The following CAP2 variants were observed in gnomAD, a reference collection of about 807,000 sequenced individuals.
The protein encoded by CAP2 is cyclase associated actin cytoskeleton regulatory protein 2.
CAP2 carries 24 observed loss-of-function variants against 57.7 expected under a neutral mutation model. The observed-to-expected ratio is 0.42, with a 90% CI of 0.30 to 0.58. The LOEUF (loss-of-function observed/expected upper bound fraction) is 0.58, where lower values mean the gene tolerates loss of function less well. Ranked by LOEUF, CAP2 falls within the 20% of genes least tolerant of loss-of-function variation. CAP2 has a pLI of 0.22. For missense variants in CAP2, 501 were observed against 590.3 expected (o/e 0.85, Z 1.57); for synonymous variants, 194 against 207.2 (o/e 0.94, Z 0.55).
intron 7 of CAP2, among the ~76,000 whole-genome samples, chr6:17,517,599 A>AT (rs1308576047): frequency 6.6e-6 from 1 of 152,162 alleles, no homozygotes; most frequent in Non-Finnish European, 1.5e-5. Flanking sequence ...CATATCTCAC[A>AT]TTTTTTAAAA....
At chr6:17,413,183 G>T (rs995101280) in intron 1 of CAP2, among the ~76,000 whole-genome samples, 1 of 152,126 alleles carries the variant, frequency 6.6e-6, no homozygotes, top group African/African-American at 2.4e-5. Context: ...TGGCTAACCA[G>T]GATCTCATAC....
rs144075653 is a variant in CAP2, at chr6:17,556,370, C to T, written c.1362C>T (p.Pro454=). ...IPQDGDYREF[P]IPEQFKTAWD... is the part of the protein sequence containing the mutation. ...TTGCCTTTTTCCAGAGAGAATTTCC[C>T]ATTCCTGAACAGTTCAAGACAGCAT... is the stretch of plus-strand genomic sequence containing the variant. Residue 454 remains proline, a synonymous_variant, in exon 13 of 13, where the codon CCC becomes CCT. Transcript: ENST00000229922. 166 of 1,611,042 alleles carry T rather than the reference C, an allele frequency of 1.0e-4. 1 individual carries two copies. The African/African-American group carries it at 1.9e-3, about 19-fold the overall frequency.
At chr6:17,447,515 C>G (rs969003820) in intron 3 of CAP2, among the ~76,000 whole-genome samples, 9 of 152,106 alleles carry the variant, frequency 5.9e-5, no homozygotes, top group African/African-American at 2.2e-4. Flanking sequence ...CTTTGTTTTT[C>G]TGAGACGGAG....
intron 7 of CAP2, among the ~76,000 whole-genome samples, chr6:17,527,597 C>CTTTTTTTTTTT (rs10668941): frequency 1.1e-4 from 14 of 131,200 alleles, no homozygotes; most frequent in African/African-American, 3.2e-4. Context: ...TGTTCTCTTT[C>CTTTTTTTTTTT]TTTTTTTTTT....
chr6:17,404,661 C>T (rs1758906351), intron 1 of CAP2, among the ~76,000 whole-genome samples: 1 of 148,746 alleles, frequency 6.7e-6, no homozygotes, highest in Non-Finnish European at 1.5e-5. Context: ...ATCCCAGTTA[C>T]TTGGGAGGCT....
At chr6:17,533,642 C>T (rs924100886) in intron 7 of CAP2, among the ~76,000 whole-genome samples, 7 of 150,514 alleles carry the variant, frequency 4.7e-5, no homozygotes, top group South Asian at 2.1e-4. Flanking sequence ...GATCTCGGCT[C>T]ACTGCAACCT....
At chr6:17,429,342 T>C (rs1474996279) in intron 3 of CAP2, among the ~76,000 whole-genome samples, 2 of 152,034 alleles carry the variant, frequency 1.3e-5, no homozygotes, top group Non-Finnish European at 2.9e-5. Context: ...ATGCCAACAT[T>C]AGGCTTCTGA....
At chr6:17,409,579 C>G (rs1162666600) in intron 1 of CAP2, among the ~76,000 whole-genome samples, 3 of 152,228 alleles carry the variant, frequency 2.0e-5, no homozygotes, top group African/African-American at 7.2e-5. Flanking sequence ...TCATGGTCTC[C>G]TTTCACCTTC....
chr6:17,549,606 T>C (rs1273583648), intron 11 of CAP2, among the ~76,000 whole-genome samples: 1 of 152,244 alleles, frequency 6.6e-6, no homozygotes, highest in Non-Finnish European at 1.5e-5. Flanking sequence ...AGTAGAAGTA[T>C]AGATGCCAGT....
At chr6:17,431,075 C>G (rs1395412518) in intron 3 of CAP2, among the ~76,000 whole-genome samples, 1 of 152,180 alleles carries the variant, frequency 6.6e-6, no homozygotes, top group Non-Finnish European at 1.5e-5. Context: ...ACCACATGCT[C>G]TCACTAATAA....
At chr6:17,463,362 C>G (rs115281341) in intron 4 of CAP2, among the ~76,000 whole-genome samples, 1,970 of 150,984 alleles carry the variant, frequency 0.013, 50 homozygotes, top group African/African-American at 0.046. Context: ...TGGCCAAATT[C>G]TTACTGTAAC....
intron 4 of CAP2, among the ~76,000 whole-genome samples, chr6:17,472,664 CT>C (rs1761051014): frequency 6.6e-6 from 1 of 152,140 alleles, no homozygotes; most frequent in African/African-American, 2.4e-5. Context: ...CATGTGACGG[CT>C]ACTGCCCGTG....
intron 3 of CAP2, among the ~76,000 whole-genome samples, chr6:17,437,069 C>T (rs887225162): frequency 2.6e-5 from 4 of 152,138 alleles, no homozygotes; most frequent in Non-Finnish European, 4.4e-5. Flanking sequence ...AAAATAAGCT[C>T]AGGGCTCCCA....
At position 17,442,827 on chromosome 6, in the gene CAP2, C is replaced by T. The variant is rs192562721; in HGVS notation, c.222+16137C>T. Among the ~76,000 whole-genome samples the T allele has an allele frequency of 4.6e-3, 700 of 151,994 alleles. 4 individuals are homozygous for T. Among genetic ancestry groups the T allele is most frequent in the Admixed American group, 7.3e-3 (112 of 15,254 alleles). On this transcript the variant is annotated intron_variant, in intron 3 of 12. Coordinates refer to ENST00000229922, the MANE Select transcript of CAP2 (RefSeq NM_006366.3). The stretch of plus-strand genomic sequence containing the variant: ...CTTCCTCCTGGGTTCAAGCGATCCT[C>T]GTGCCTCAGCCTCCCGAGTAGCTGG...
At chr6:17,510,341 T>C (rs927494765) in intron 6 of CAP2, among the ~76,000 whole-genome samples, 1 of 152,214 alleles carries the variant, frequency 6.6e-6, no homozygotes, top group Non-Finnish European at 1.5e-5. Context: ...AAAGCTGTTT[T>C]ATTTCAAAAA....
At chr6:17,531,224 G>GT in intron 7 of CAP2, 1 of 778,696 alleles carries the variant, frequency 1.3e-6, no homozygotes, top group Non-Finnish European at 2.3e-6. Flanking sequence ...CCCATGCAGT[G>GT]TATGGCTCTA....
intron 1 of CAP2, among the ~76,000 whole-genome samples, chr6:17,401,487 G>T (rs1758815605): frequency 6.6e-6 from 1 of 152,158 alleles, no homozygotes. Context: ...ATATAAGTGT[G>T]ATCTTTCCAT....
chr6:17,471,299 C>T (rs1295675758), intron 4 of CAP2, among the ~76,000 whole-genome samples: 1 of 152,222 alleles, frequency 6.6e-6, no homozygotes, highest in Non-Finnish European at 1.5e-5. Context: ...GTTCTGTTGT[C>T]AAGGGCCATA....
chr6:17,489,863 C>G (rs1761505877), intron 4 of CAP2, among the ~76,000 whole-genome samples: 1 of 151,846 alleles, frequency 6.6e-6, no homozygotes, highest in Non-Finnish European at 1.5e-5. Flanking sequence ...GCCATTTAGC[C>G]AGATCTTGAG....
Sources: allele counts gnomAD v4.1 joint callset (sites outside exome capture counted in the v4.1 genomes callset), GRCh38; gene constraint gnomAD v4.1.1; transcripts MANE v1.5; gene names NCBI Gene and HGNC (gene_info 2026-07-23, HGNC 2026-07-21).